The following ULK4 variants were observed in gnomAD, a reference collection of about 807,000 sequenced individuals.
The protein encoded by ULK4 is unc-51 like kinase 4.
A neutral mutation model predicts 160.6 loss-of-function variants in ULK4; 133 were observed. That is an observed-to-expected ratio of 0.83 (90% CI 0.72 to 0.96). ULK4 has a LOEUF of 0.96. ULK4 is among the 40% of genes least tolerant of loss of function. The pLI, the probability that ULK4 is intolerant of heterozygous loss-of-function variation, is 0.00. For missense variants in ULK4, 1,580 were observed against 1,499.5 expected, an observed-to-expected ratio of 1.05 and a Z score of -0.89; for synonymous variants, 534 against 539.8, an observed-to-expected ratio of 0.99 and a Z score of 0.15.
intron 32 of ULK4, among the ~76,000 whole-genome samples, chr3:41,507,217 T>TCCCCCC (rs2085426368): frequency 7.2e-6 from 1 of 139,516 alleles, no homozygotes; most frequent in Non-Finnish European, 1.5e-5. Context: ...GTGATTCTGC[T>TCCCCCC]CCCCAGCTTC....
intron 32 of ULK4, among the ~76,000 whole-genome samples, chr3:41,488,896 A>T (rs886637713): frequency 6.6e-6 from 1 of 152,024 alleles, no homozygotes; most frequent in Non-Finnish European, 1.5e-5. Context: ...GATATAAAAA[A>T]TAGAGCTGAG....
chr3:41,318,009 AAAC>A, intron 35 of ULK4, among the ~76,000 whole-genome samples: 1 of 152,194 alleles, frequency 6.6e-6, no homozygotes, highest in Non-Finnish European at 1.5e-5. Flanking sequence ...TTGACCCTTT[AAAC>A]TAATCGCTAT....
intron 21 of ULK4, among the ~76,000 whole-genome samples, chr3:41,761,113 A>G (rs1159056843): frequency 1.3e-5 from 2 of 152,132 alleles, no homozygotes; most frequent in East Asian, 1.9e-4. Context: ...GCCTAAGACA[A>G]AAGCAGCACA....
At chr3:41,881,284 T>TAAAAAAAA (rs58977381) in intron 17 of ULK4, among the ~76,000 whole-genome samples, 8 of 126,278 alleles carry the variant, frequency 6.3e-5, no homozygotes, top group African/African-American at 1.5e-4. Context: ...CAGAAACTTC[T>TAAAAAAAA]AAAAAAAAAA....
chr3:41,729,646 G>A (rs2037761930), intron 22 of ULK4, among the ~76,000 whole-genome samples: 1 of 152,202 alleles, frequency 6.6e-6, no homozygotes, highest in Non-Finnish European at 1.5e-5. Context: ...ATGAGAGACA[G>A]CTTGTTACTT....
At chr3:41,289,842 TGTATGTATGTATGTAC>T (rs1323729452) in intron 35 of ULK4, among the ~76,000 whole-genome samples, 4 of 145,962 alleles carry the variant, frequency 2.7e-5, no homozygotes, top group African/African-American at 2.8e-5. Context: ...TATGTATGTA[TGTATGTATGTATGTAC>T]GTATGTATGT....
intron 2 of ULK4, among the ~76,000 whole-genome samples, chr3:41,944,911 T>C (rs745757308): frequency 3.3e-5 from 5 of 152,210 alleles, no homozygotes; most frequent in African/African-American, 1.2e-4. Flanking sequence ...ACTGACGTTA[T>C]TTGACCTCTA....
At chr3:41,733,986 C>T (rs1440130368) in intron 22 of ULK4, among the ~76,000 whole-genome samples, 32 of 152,052 alleles carry the variant, frequency 2.1e-4, no homozygotes, top group Admixed American at 2.0e-3. Context: ...ATCCACCTGC[C>T]TTGGCCTCCC....
At chr3:41,441,917 C>T (rs61109950) in intron 34 of ULK4, among the ~76,000 whole-genome samples, 2 of 152,118 alleles carry the variant, frequency 1.3e-5, no homozygotes, top group African/African-American at 4.8e-5. Context: ...TAGGACATGA[C>T]CTTCTTTATC....
intron 31 of ULK4, among the ~76,000 whole-genome samples, chr3:41,591,108 A>G (rs1393938896): frequency 2.0e-5 from 3 of 152,188 alleles, no homozygotes; most frequent in East Asian, 3.8e-4. Flanking sequence ...GAAAAAAAAG[A>G]TATTACATAG....
In ULK4 at chr3:41,959,527, A is replaced by C. The variant is rs556553538; in HGVS notation, c.-49+2489T>G. 4.0e-5 allele frequency among the ~76,000 whole-genome samples: 6 copies of C among 149,660 alleles called. No individual in the cohort carries two copies. In the South Asian group the frequency reaches 1.3e-3, roughly 32 times the overall value. On this transcript the variant is annotated intron_variant, in intron 1 of 36. Transcript: ENST00000301831. ...GTGACAAGAGACTCCATATCAAAAA[A>C]AATAATAATAATTAATTAATTAAAA...
chr3:41,833,944 G>C (rs2125651179), intron 18 of ULK4, among the ~76,000 whole-genome samples: 1 of 152,014 alleles, frequency 6.6e-6, no homozygotes, highest in South Asian at 2.1e-4. Flanking sequence ...AGTGAAAAAA[G>C]TGAGTTTCTA....
chr3:41,771,974 C>T (rs2039399279), intron 21 of ULK4, among the ~76,000 whole-genome samples: 1 of 152,182 alleles, frequency 6.6e-6, no homozygotes, highest in African/African-American at 2.4e-5. Flanking sequence ...CCCAATCCCA[C>T]TACCCTCCGT....
chr3:41,373,885 G>C (rs567307766), intron 35 of ULK4, among the ~76,000 whole-genome samples: 2 of 152,032 alleles, frequency 1.3e-5, no homozygotes, highest in African/African-American at 4.8e-5. Context: ...CAGATGGACC[G>C]CTAGCCAGAC....
At chr3:41,864,620 T>C (rs749803653) in intron 17 of ULK4, among the ~76,000 whole-genome samples, 1 of 152,094 alleles carries the variant, frequency 6.6e-6, no homozygotes. Flanking sequence ...ATATATTAGA[T>C]AGCTCATTCA....
At chr3:41,621,225 A>C (rs1487054153) in intron 30 of ULK4, among the ~76,000 whole-genome samples, 1 of 152,234 alleles carries the variant, frequency 6.6e-6, no homozygotes, top group African/African-American at 2.4e-5. Flanking sequence ...ATTCCTATCA[A>C]GCTACCATTG....
intron 18 of ULK4, among the ~76,000 whole-genome samples, chr3:41,827,612 C>G (rs938741339): frequency 2.7e-4 from 41 of 152,186 alleles, no homozygotes; most frequent in African/African-American, 9.6e-4. Context: ...GAAGTTGAAT[C>G]TCTGAATAGA....
At chr3:41,692,678 T>A (rs989064599) in intron 27 of ULK4, among the ~76,000 whole-genome samples, 12 of 152,222 alleles carry the variant, frequency 7.9e-5, no homozygotes, top group Admixed American at 3.3e-4. Context: ...TATGGAATAA[T>A]CCAAGGAATT....
intron 30 of ULK4, among the ~76,000 whole-genome samples, chr3:41,633,176 A>C (rs949151018): frequency 6.6e-6 from 1 of 152,202 alleles, no homozygotes; most frequent in Admixed American, 6.5e-5. Flanking sequence ...TTGCTTGAAC[A>C]TTATCCTTCA....
Sources: gnomAD v4.1 joint callset for allele counts (sites outside exome capture counted in the v4.1 genomes callset) on GRCh38, gnomAD v4.1.1 for gene constraint, MANE v1.5 for transcripts, NCBI Gene and HGNC (gene_info 2026-07-23, HGNC 2026-07-21) for gene names.